The following DOCK3 variants were observed in gnomAD, a reference collection of about 807,000 sequenced individuals.
DOCK3 encodes the protein dedicator of cytokinesis 3.
Under a neutral mutation model 265.6 loss-of-function variants are expected in DOCK3, and 60 were observed. That is an observed-to-expected ratio of 0.23 (90% confidence interval 0.18 to 0.28). The LOEUF (loss-of-function observed/expected upper bound fraction) is 0.28, where lower values mean the gene tolerates loss of function less well. Ranked by LOEUF, DOCK3 falls within the 10% of genes least tolerant of loss-of-function variation. The probability of loss-of-function intolerance (pLI) is 1.00; values close to 1 mark genes in which losing one functional copy is unlikely to be tolerated. For synonymous variants in DOCK3, 881 were observed against 938.0 expected, an observed-to-expected ratio of 0.94 and a Z score of 1.11; for missense variants, 1,981 against 2,594.3, an observed-to-expected ratio of 0.76 and a Z score of 5.14.
chr3:50,841,013 C>G (rs1335809750), intron 2 of DOCK3, among the ~76,000 whole-genome samples: 1 of 152,158 alleles, frequency 6.6e-6, no homozygotes, highest in Non-Finnish European at 1.5e-5. Flanking sequence ...CTCTTGGCTT[C>G]CTCTCCTACC....
intron 2 of DOCK3, among the ~76,000 whole-genome samples, chr3:50,791,627 C>A (rs892404487): frequency 1.2e-4 from 18 of 152,104 alleles, no homozygotes; most frequent in Admixed American, 1.0e-3. Context: ...GGAAGGGGTC[C>A]AGTTTCAATC....
chr3:51,304,444 C>T (rs2082535512), intron 27 of DOCK3, among the ~76,000 whole-genome samples: 1 of 152,086 alleles, frequency 6.6e-6, no homozygotes. Flanking sequence ...ACCTCCCCTC[C>T]CCCTCCTCCC....
chr3:51,003,051 TAAA>T (rs1430950246), intron 5 of DOCK3, among the ~76,000 whole-genome samples: 6 of 152,270 alleles, frequency 3.9e-5, no homozygotes, highest in African/African-American at 1.4e-4. Context: ...TCTAGAAACA[TAAA>T]GAAGGAAATG....
intron 7 of DOCK3, among the ~76,000 whole-genome samples, chr3:51,081,684 A>G (rs1038178391): frequency 6.6e-6 from 1 of 152,112 alleles, no homozygotes; most frequent in Admixed American, 6.5e-5. Flanking sequence ...TCACGAGGTC[A>G]GGAGATTGAG....
chr3:50,799,878 C>T (rs1209887987), intron 2 of DOCK3, among the ~76,000 whole-genome samples: 1 of 152,028 alleles, frequency 6.6e-6, no homozygotes, highest in African/African-American at 2.4e-5. Context: ...TTTTTTTCTA[C>T]ACATAATTTA....
At chr3:50,760,369 T>C (rs972322329) in intron 1 of DOCK3, among the ~76,000 whole-genome samples, 1 of 152,204 alleles carries the variant, frequency 6.6e-6, no homozygotes, top group African/African-American at 2.4e-5. Context: ...GGTTCTTGAC[T>C]TAGGATGGTT....
chr3:51,381,481 C>G lies in DOCK3; in HGVS notation c.6015C>G (p.Arg2005=). Reference sequence around the variant, plus strand: ...CTGAGAGGCCTCGAGGCCTGCACCGCAAGGCTCCATTGCCTCCTGGGAGCG... The same window carrying G: ...CTGAGAGGCCTCGAGGCCTGCACCGGAAGGCTCCATTGCCTCCTGGGAGCG... ...EETERPRGLH[R]KAPLPPGSAK... Residue 2005 remains arginine, a synonymous_variant, in exon 53 of 53, where the codon CGC becomes CGG. Transcript: ENST00000266037. This position sits in a 1 kb window ranked among gnomAD's most constrained non-coding sequence, Gnocchi z 5.6. The G allele has an allele frequency of 6.3e-7, 1 of 1,590,048 alleles. No homozygotes were observed. The highest frequency in any genetic ancestry group is 1.1e-5 in the South Asian group (1 of 88,476).
intron 9 of DOCK3, among the ~76,000 whole-genome samples, chr3:51,102,107 C>T (rs531410603): frequency 3.5e-4 from 53 of 152,336 alleles, no homozygotes; most frequent in Non-Finnish European, 6.3e-4. Context: ...AACAGCTCAA[C>T]TGTAAGGCCT....
intron 14 of DOCK3, 103 bp downstream of exon 14, chr3:51,214,350 G>C: frequency 6.8e-7 from 1 of 1,462,574 alleles, no homozygotes; most frequent in Non-Finnish European, 9.1e-7. Flanking sequence ...AAGACCTGCA[G>C]CTATTAAAAT....
At chr3:51,112,823 A>G (rs2083577067) in intron 9 of DOCK3, among the ~76,000 whole-genome samples, 3 of 150,938 alleles carry the variant, frequency 2.0e-5, no homozygotes, top group African/African-American at 4.8e-5. Context: ...TAATTAAAAC[A>G]GGATTTCTCA....
At chr3:50,823,163 TA>T (rs2044544518) in intron 2 of DOCK3, among the ~76,000 whole-genome samples, 1 of 151,838 alleles carries the variant, frequency 6.6e-6, no homozygotes, top group Non-Finnish European at 1.5e-5. Flanking sequence ...TTTATTTATT[TA>T]TTTATTTTTT....
At chr3:51,074,260 C>G (rs750578778) in intron 6 of DOCK3, among the ~76,000 whole-genome samples, 4 of 152,110 alleles carry the variant, frequency 2.6e-5, no homozygotes, top group African/African-American at 9.7e-5. Flanking sequence ...CAAACTCATC[C>G]GTGTCATAAG....
chr3:50,995,828 A>G (rs2078260473), intron 5 of DOCK3, among the ~76,000 whole-genome samples: 1 of 152,214 alleles, frequency 6.6e-6, no homozygotes, highest in Non-Finnish European at 1.5e-5. Context: ...TTGGTCCTGT[A>G]GAATAGGACC....
At chr3:50,920,569 G>C (rs1411655145) in intron 4 of DOCK3, among the ~76,000 whole-genome samples, 1 of 152,180 alleles carries the variant, frequency 6.6e-6, no homozygotes, top group Non-Finnish European at 1.5e-5. Flanking sequence ...ATGGTAGTTT[G>C]TATTTCTGTG....
chr3:50,862,917 G>A (rs1166540346), intron 3 of DOCK3, among the ~76,000 whole-genome samples: 5 of 152,148 alleles, frequency 3.3e-5, no homozygotes, highest in Non-Finnish European at 5.9e-5. Context: ...AAGTACACAC[G>A]TGTCACCCTC....
At chr3:51,285,804 G>A (rs948523698) in intron 27 of DOCK3, among the ~76,000 whole-genome samples, 6 of 151,996 alleles carry the variant, frequency 3.9e-5, no homozygotes, top group East Asian at 3.9e-4. Context: ...GTGTGGTGGC[G>A]GGCGCCTGTA....
intron 1 of DOCK3, among the ~76,000 whole-genome samples, chr3:50,712,361 G>A (rs1298088509): frequency 6.6e-6 from 1 of 151,842 alleles, no homozygotes; most frequent in African/African-American, 2.4e-5. Context: ...TTTTTGAGAC[G>A]GAGTCTCGCT....
chr3:51,185,091 C>T (rs143461222), intron 12 of DOCK3, among the ~76,000 whole-genome samples: 18 of 152,140 alleles, frequency 1.2e-4, no homozygotes, highest in South Asian at 4.1e-4. Flanking sequence ...AGAAACCTAA[C>T]GAGACATGAT....
intron 19 of DOCK3, among the ~76,000 whole-genome samples, chr3:51,233,351 TATCTATC>T (rs1560254400): frequency 1.3e-3 from 46 of 35,828 alleles, no homozygotes; most frequent in African/African-American, 2.6e-3. Flanking sequence ...TCTATCTATC[TATCTATC>T]TATTTATTTA....
Sources: gnomAD v4.1 joint callset for allele counts (sites outside exome capture counted in the v4.1 genomes callset) on GRCh38, gnomAD v4.1.1 for gene constraint, Gnocchi (gnomAD v3.1) non-coding constraint, MANE v1.5 for transcripts, NCBI Gene and HGNC (gene_info 2026-07-23, HGNC 2026-07-21) for gene names.